RNF212B: variants seen among roughly 807,000 people sequenced by gnomAD.
The protein encoded by RNF212B is E3 ubiquitin-protein ligase RNF212B.
Under a neutral mutation model 55.5 loss-of-function variants are expected in RNF212B, and 52 were observed. The ratio of observed to expected loss-of-function variants is 0.94; its 90% confidence interval spans 0.75 to 1.18. The LOEUF (loss-of-function observed/expected upper bound fraction) is 1.18, where lower values mean the gene tolerates loss of function less well. Among genes scored for constraint, RNF212B ranks in the 50% most tolerant of loss-of-function variants. The pLI is 0.00. For missense variants in RNF212B, 289 were observed against 350.4 expected, an observed-to-expected ratio of 0.82 and a Z score of 1.40; for synonymous variants, 99 against 121.4, an observed-to-expected ratio of 0.82 and a Z score of 1.21.
chr14:23,241,065 A>T (rs997971862), intron 2 of RNF212B, among the ~76,000 whole-genome samples: 2 of 152,226 alleles, frequency 1.3e-5, no homozygotes, highest in African/African-American at 4.8e-5. Flanking sequence ...TGCAATACTT[A>T]CAAGGTGTGT....
chr14:23,228,822 G>A (rs1393411347), intron 2 of RNF212B, among the ~76,000 whole-genome samples: 1 of 152,050 alleles, frequency 6.6e-6, no homozygotes, highest in Non-Finnish European at 1.5e-5. Context: ...GCAGAAATGG[G>A]CTTGAATATG....
chr14:23,214,104 C>T (rs1410140286), intron 2 of RNF212B, among the ~76,000 whole-genome samples: 1 of 152,150 alleles, frequency 6.6e-6, no homozygotes, highest in Non-Finnish European at 1.5e-5. Flanking sequence ...TAGTGAGACT[C>T]TGTATCTTTT....
chr14:23,258,428 G>C, intron 4 of RNF212B, 121 bp from the exon 5 acceptor site: 1 of 439,286 alleles, frequency 2.3e-6, no homozygotes, highest in Non-Finnish European at 4.0e-6. Context: ...AATTAGGCCA[G>C]ATGTTCTAGA....
At chr14:23,232,051 T>C (rs1882668340) in intron 2 of RNF212B, among the ~76,000 whole-genome samples, 1 of 152,320 alleles carries the variant, frequency 6.6e-6, no homozygotes, top group Non-Finnish European at 1.5e-5. Context: ...TTGCAGCCTC[T>C]GCCCGGCTGC....
chr14:23,231,193 T>C (rs147922305), intron 2 of RNF212B, among the ~76,000 whole-genome samples: 4 of 152,336 alleles, frequency 2.6e-5, no homozygotes, highest in African/African-American at 9.6e-5. Context: ...AATCCGTATA[T>C]AGCTTTGGAT....
intron 1 of RNF212B, among the ~76,000 whole-genome samples, chr14:23,191,298 A>G (rs927137082): frequency 6.9e-6 from 1 of 145,374 alleles, no homozygotes; most frequent in Non-Finnish European, 1.5e-5. Flanking sequence ...CGGAGGTTGT[A>G]GTGAGCCGAG....
At chr14:23,214,655 T>C (rs1176521238) in intron 2 of RNF212B, among the ~76,000 whole-genome samples, 1 of 150,040 alleles carries the variant, frequency 6.7e-6, no homozygotes, top group Non-Finnish European at 1.5e-5. Flanking sequence ...GGAAAGTCAG[T>C]GAACTTGAAG....
At chr14:23,234,064 T>A (rs1204405087), upstream of RNF212B, among the ~76,000 whole-genome samples, 1 of 152,104 alleles carries the variant, frequency 6.6e-6, no homozygotes, top group Non-Finnish European at 1.5e-5. Context: ...ACCACTGCAC[T>A]TGCACTCCAG....
intron 2 of RNF212B, among the ~76,000 whole-genome samples, chr14:23,231,731 A>C (rs371764419): frequency 1.8e-4 from 27 of 146,954 alleles, no homozygotes; most frequent in Non-Finnish European, 4.0e-4. Flanking sequence ...GCTCACTGCA[A>C]CCTCCCTGCC....
At position 23,242,813 on chromosome 14, in the gene RNF212B, A is replaced by G. The variant is rs796484963; in HGVS notation, c.101-443A>G. ...ACATAGGGAGACTCCATCTCTAAAG[A>G]TAATAACAAAATTAAAATGAGTTGA... is the stretch of plus-strand genomic sequence containing the variant. On this transcript the variant is annotated intron_variant, in intron 2 of 14. Transcript: ENST00000430154. 2.5e-4 allele frequency among the ~76,000 whole-genome samples: 38 copies of G among 152,056 alleles called. 1 individual carries two copies. The highest frequency in any genetic ancestry group is 8.9e-4 in the African/African-American group (37 of 41,488).
chr14:23,215,265 G>A (rs1880953074), intron 2 of RNF212B, among the ~76,000 whole-genome samples: 1 of 152,012 alleles, frequency 6.6e-6, no homozygotes, highest in African/African-American at 2.4e-5. Context: ...AGTTTCCTGA[G>A]TCCTCCCTAG....
Position 23,264,663 on chromosome 14 carries a change from CTT to C in RNF212B, c.627_628del (p.Tyr210Ter), listed in dbSNP as rs1168019271. 1.5e-6 allele frequency: 2 copies of C among 1,316,552 alleles called. No individual in the cohort carries two copies. The highest frequency in any genetic ancestry group is 7.2e-5 in the Admixed American group (2 of 27,894). 81.6% of individuals were successfully genotyped at this position (1,316,552 alleles called of 1,614,324 possible). ...CAGGGAAGGAGAACTCCCAGAGACT[CTT>C]ATAATGGTGAGGTGGGGGGAAAAGG... On this transcript the variant is annotated frameshift_variant, in exon 11 of 15. Coordinates refer to ENST00000430154, the MANE Select transcript of RNF212B (RefSeq NM_001282322.3). LOFTEE classifies it high-confidence loss of function.
intron 9 of RNF212B, 31 bp from the exon 10 acceptor site, chr14:23,264,143 C>T: frequency 2.0e-6 from 3 of 1,494,490 alleles, no homozygotes; most frequent in Admixed American, 2.3e-5. Context: ...GGTTTTTTGC[C>T]TTTTTTTTCT....
At chr14:23,228,462 C>CAAAAAA (rs776673043) in intron 2 of RNF212B, among the ~76,000 whole-genome samples, 1 of 76,090 alleles carries the variant, frequency 1.3e-5, no homozygotes, top group East Asian at 3.8e-4. Context: ...CTATCTCTAC[C>CAAAAAA]AAAAAAAAAA....
At position 23,244,501 on chromosome 14, in the gene RNF212B, AG is replaced by A. The variant is rs1296079946; in HGVS notation, c.228+108del. Reference sequence around the variant, plus strand: ...TTTAAACTGCATTTGTACACAATGGAGGGAAATTGACTGCTTTCTTTGCTTT... The same window carrying A: ...TTTAAACTGCATTTGTACACAATGGAGGAAATTGACTGCTTTCTTTGCTTT... On this transcript the variant is annotated intron_variant, in intron 4 of 14. Coordinates refer to ENST00000430154, the MANE Select transcript of RNF212B (RefSeq NM_001282322.3). 5.0e-6 allele frequency: 3 copies of A among 604,384 alleles called. No homozygotes were observed. In the African/African-American group the frequency reaches 5.6e-5, roughly 11 times the overall value. The allele number at this position is 604,384 out of a possible 1,614,324, so 37.4% of individuals were successfully genotyped here.
At chr14:23,238,298 G>C (rs960654031) in intron 1 of RNF212B, among the ~76,000 whole-genome samples, 3 of 152,156 alleles carry the variant, frequency 2.0e-5, no homozygotes, top group Non-Finnish European at 4.4e-5. Context: ...GAAAGTTAGT[G>C]TATCACGATC....
At chr14:23,241,526 C>T (rs372762924) in intron 2 of RNF212B, among the ~76,000 whole-genome samples, 19 of 152,020 alleles carry the variant, frequency 1.2e-4, no homozygotes, top group African/African-American at 4.3e-4. Flanking sequence ...CAGGTTCAAG[C>T]GATTCTCATG....
chr14:23,260,928 T>C (rs1165577470), intron 7 of RNF212B, among the ~76,000 whole-genome samples: 1 of 152,182 alleles, frequency 6.6e-6, no homozygotes, highest in Admixed American at 6.6e-5. Context: ...CATAAAGAAA[T>C]AGCATTTGAA....
intron 12 of RNF212B, among the ~76,000 whole-genome samples, 197 bp downstream of exon 12, chr14:23,269,160 C>T (rs937414299): frequency 2.0e-5 from 3 of 152,000 alleles, no homozygotes; most frequent in African/African-American, 4.8e-5. Flanking sequence ...AAAAATTAGC[C>T]GGGAGCGGTG....
Sources: allele counts gnomAD v4.1 joint callset (sites outside exome capture counted in the v4.1 genomes callset), GRCh38; gene constraint gnomAD v4.1.1; transcripts MANE v1.5; gene names NCBI Gene and HGNC (gene_info 2026-07-23, HGNC 2026-07-21).